The following HECW1 variants were observed in gnomAD, a reference collection of about 807,000 sequenced individuals.
HECW1 encodes HECT, C2 and WW domain containing E3 ubiquitin protein ligase 1.
HECW1 carries 61 observed loss-of-function variants against 182.3 expected under a neutral mutation model. The ratio of observed to expected loss-of-function variants is 0.33; its 90% confidence interval spans 0.27 to 0.41. The LOEUF is 0.41. HECW1 is among the 10% of genes least tolerant of loss of function. The probability of loss-of-function intolerance (pLI) is 1.00; values close to 1 mark genes in which losing one functional copy is unlikely to be tolerated. For synonymous variants in HECW1, 859 were observed against 832.6 expected, an observed-to-expected ratio of 1.03 and a Z score of -0.55; for missense variants, 1,739 against 2,108.9, an observed-to-expected ratio of 0.82 and a Z score of 3.44.
In HECW1 at chr7:43,563,997, C is replaced by T. The variant is rs1397520404; in HGVS notation, c.*2071C>T. ...TTATAGAAATTTAGACTTTTATTGT[C>T]TAAAAAGAATATTTACTGAGACAGG... On this transcript the variant is annotated 3_prime_UTR_variant, in exon 30 of 30. Transcript: ENST00000395891. The T allele has an allele frequency of 5.3e-6, 1 of 189,004 alleles. No homozygotes were observed. Among genetic ancestry groups the T allele is most frequent in the African/African-American group, 2.3e-5 (1 of 42,792 alleles). The allele number at this position is 189,004 out of a possible 1,614,324, so 11.7% of individuals were successfully genotyped here.
At chr7:43,366,586 G>A (rs939444417) in intron 6 of HECW1, among the ~76,000 whole-genome samples, 1 of 152,158 alleles carries the variant, frequency 6.6e-6, no homozygotes, top group Non-Finnish European at 1.5e-5. Context: ...TTAGACATAA[G>A]CCAATTAATT....
intron 24 of HECW1, among the ~76,000 whole-genome samples, chr7:43,539,776 G>A (rs1335744157): frequency 2.6e-5 from 4 of 152,164 alleles, no homozygotes; most frequent in African/African-American, 9.7e-5. Flanking sequence ...CATGTTAGAA[G>A]CATTGGTTAC....
intron 17 of HECW1, among the ~76,000 whole-genome samples, chr7:43,488,498 G>GA (rs370855131): frequency 4.0e-5 from 6 of 150,434 alleles, no homozygotes; most frequent in African/African-American, 1.5e-4. Flanking sequence ...GAGAAAGAAA[G>GA]AAAGAAAAGA....
chr7:43,404,488 T>TA (rs995760163), intron 7 of HECW1, among the ~76,000 whole-genome samples: 4 of 152,136 alleles, frequency 2.6e-5, no homozygotes, highest in African/African-American at 9.7e-5. Flanking sequence ...GTTATCTTTT[T>TA]AAAAAAATAA....
intron 29 of HECW1, among the ~76,000 whole-genome samples, chr7:43,556,530 T>C (rs1318628452): frequency 6.6e-6 from 1 of 151,872 alleles, no homozygotes; most frequent in Non-Finnish European, 1.5e-5. Context: ...CTACAAAAAA[T>C]TTAAAAAATT....
At chr7:43,550,405 A>C (rs1585272596) in intron 26 of HECW1, 40 bp from the exon 27 acceptor site, 2 of 1,611,818 alleles carry the variant, frequency 1.2e-6, no homozygotes, top group Non-Finnish European at 1.7e-6. Context: ...AGAGATAAGC[A>C]GAACTGACAA....
chr7:43,221,224 G>A (rs541021008), intron 2 of HECW1, among the ~76,000 whole-genome samples: 1 of 152,226 alleles, frequency 6.6e-6, no homozygotes, highest in South Asian at 2.1e-4. Context: ...GTCAACAGTT[G>A]CCAGGGGTCC....
chr7:43,295,370 C>T (rs1805913855), intron 3 of HECW1, among the ~76,000 whole-genome samples: 1 of 152,074 alleles, frequency 6.6e-6, no homozygotes, highest in South Asian at 2.1e-4. Flanking sequence ...GGCAGGTTGG[C>T]CCAAGACAAT....
At chr7:43,228,159 C>A (rs987382470) in intron 2 of HECW1, among the ~76,000 whole-genome samples, 11 of 152,064 alleles carry the variant, frequency 7.2e-5, no homozygotes, top group African/African-American at 2.4e-4. Context: ...GCAAATAACG[C>A]CCAGGGAAAA....
At chr7:43,198,531 C>T (rs572921120) in intron 2 of HECW1, among the ~76,000 whole-genome samples, 9 of 150,850 alleles carry the variant, frequency 6.0e-5, no homozygotes, top group African/African-American at 1.9e-4. Flanking sequence ...AGACACCACA[C>T]TCACACTCCA....
intron 2 of HECW1, among the ~76,000 whole-genome samples, chr7:43,155,040 A>T (rs944896723): frequency 1.3e-5 from 2 of 152,156 alleles, no homozygotes; most frequent in South Asian, 4.1e-4. Flanking sequence ...AGCTCAGGTG[A>T]CTTAGGGAGC....
At chr7:43,537,017 G>A (rs1368185421) in intron 24 of HECW1, among the ~76,000 whole-genome samples, 2 of 152,206 alleles carry the variant, frequency 1.3e-5, no homozygotes, top group African/African-American at 4.8e-5. Flanking sequence ...AGGCTGAGAC[G>A]GTAGAAGCTG....
intron 4 of HECW1, 49 bp downstream of exon 4, chr7:43,312,136 G>A: frequency 6.8e-7 from 1 of 1,463,402 alleles, no homozygotes. Context: ...TTTTACATAT[G>A]CTGTCACATT....
chr7:43,382,564 GTTACTGCCTATAAGCAGGAGCTTAA>G (rs1284585362), intron 6 of HECW1, among the ~76,000 whole-genome samples: 1 of 152,204 alleles, frequency 6.6e-6, no homozygotes, highest in East Asian at 1.9e-4. Flanking sequence ...AAAATAACGA[GTTACTGCCTATAAGCAGGAGCTTAA>G]TCCCTCATTC....
chr7:43,193,125 A>G (rs1794091562), intron 2 of HECW1, among the ~76,000 whole-genome samples: 1 of 152,212 alleles, frequency 6.6e-6, no homozygotes, highest in Non-Finnish European at 1.5e-5. Flanking sequence ...GCATTTGTAA[A>G]CTGTCATGAT....
intron 3 of HECW1, among the ~76,000 whole-genome samples, chr7:43,276,578 CATT>C (rs1803188136): frequency 6.6e-6 from 1 of 152,120 alleles, no homozygotes; most frequent in Non-Finnish European, 1.5e-5. Context: ...ATCTTTATGT[CATT>C]ATAAATTATG....
intron 2 of HECW1, among the ~76,000 whole-genome samples, chr7:43,226,457 G>C (rs1391872184): frequency 6.6e-6 from 1 of 152,160 alleles, no homozygotes; most frequent in Admixed American, 6.5e-5. Context: ...GCCCTCCAGC[G>C]CTTGTTACTA....
At chr7:43,446,294 T>C (rs531064079) in intron 11 of HECW1, among the ~76,000 whole-genome samples, 1 of 152,366 alleles carries the variant, frequency 6.6e-6, no homozygotes, top group East Asian at 1.9e-4. Flanking sequence ...TTCTGTGTTT[T>C]AACCAAAGAT....
In HECW1 at chr7:43,507,974, T is replaced by G. The variant is rs906456718; in HGVS notation, c.3753-44T>G. 50 of 1,387,470 alleles carry G rather than the reference T, an allele frequency of 3.6e-5. 1 individual carries two copies. Among genetic ancestry groups the G allele is most frequent in the Non-Finnish European group, 5.0e-5 (49 of 975,348 alleles). The allele number at this position is 1,387,470 out of a possible 1,614,324, so 85.9% of individuals were successfully genotyped here. A position where few individuals can be genotyped will look rare whatever the true frequency, so the allele number is the denominator to read the frequency against. ...AACTCACTTAGAACCCTGTCCAGCA[T>G]CCTGACTTCAGGGCCACTGCTCACC... On this transcript the variant is annotated intron_variant, in intron 22 of 29. Transcript: ENST00000395891.
Sources: gnomAD v4.1 joint callset for allele counts (sites outside exome capture counted in the v4.1 genomes callset) on GRCh38, gnomAD v4.1.1 for gene constraint, MANE v1.5 for transcripts, NCBI Gene and HGNC (gene_info 2026-07-23, HGNC 2026-07-21) for gene names.